FIG4: variants seen among roughly 807,000 people sequenced by gnomAD.
The protein encoded by FIG4 is polyphosphoinositide phosphatase.
FIG4 carries 112 observed loss-of-function variants against 118.6 expected under a neutral mutation model. The observed-to-expected ratio is 0.94, with a 90% CI of 0.81 to 1.11. The LOEUF is 1.11. FIG4 is among the 50% of genes least tolerant of loss of function. The pLI is 0.00. For synonymous variants in FIG4, 369 were observed against 381.2 expected (o/e 0.97, Z 0.37); for missense variants, 969 against 1,111.7 (o/e 0.87, Z 1.83).
intron 10 of FIG4, among the ~76,000 whole-genome samples, chr6:109,754,423 C>A (rs1376190741): frequency 6.6e-6 from 1 of 152,128 alleles, no homozygotes; most frequent in Non-Finnish European, 1.5e-5. Flanking sequence ...TGTCTCTGCC[C>A]AGCTTTGGTA....
At chr6:109,780,575 A>T (rs1777771376) in intron 16 of FIG4, among the ~76,000 whole-genome samples, 2 of 152,204 alleles carry the variant, frequency 1.3e-5, no homozygotes, top group Non-Finnish European at 1.5e-5. Context: ...ATCATACGGG[A>T]TGCCCATAAA....
intron 15 of FIG4, among the ~76,000 whole-genome samples, chr6:109,769,623 TAA>T (rs777015058): frequency 1.2e-4 from 17 of 139,962 alleles, no homozygotes; most frequent in African/African-American, 1.6e-4. Context: ...TAAACTAGAT[TAA>T]AAAAAAAAAA....
chr6:109,825,001 C>A (rs796563082), intron 22 of FIG4, 87 bp from the exon 23 acceptor site: 2 of 1,235,024 alleles, frequency 1.6e-6, no homozygotes, highest in Non-Finnish European at 1.2e-6. Context: ...TCAATGCCAG[C>A]GACTCTCAAG....
intron 16 of FIG4, among the ~76,000 whole-genome samples, chr6:109,779,168 A>T (rs763936807): frequency 6.6e-6 from 1 of 152,152 alleles, no homozygotes; most frequent in African/African-American, 2.4e-5. Context: ...ACCTATATTT[A>T]TATTTATTGA....
intron 7 of FIG4, among the ~76,000 whole-genome samples, chr6:109,740,195 G>C (rs568116056): frequency 6.6e-6 from 1 of 152,232 alleles, no homozygotes; most frequent in South Asian, 2.1e-4. Context: ...CTAAAAGATA[G>C]TTCTAAGCTG....
chr6:109,716,091 T>C (rs1194853722), intron 2 of FIG4, among the ~76,000 whole-genome samples: 2 of 152,194 alleles, frequency 1.3e-5, no homozygotes, highest in Non-Finnish European at 2.9e-5. Context: ...TAAGAAAATC[T>C]ATGGGCCTTC....
At chr6:109,696,696 A>G (rs78237253) in intron 1 of FIG4, among the ~76,000 whole-genome samples, 2,198 of 152,292 alleles carry the variant, frequency 0.014, 55 homozygotes, top group African/African-American at 0.051. Context: ...TGTTGAGCTT[A>G]TAGAAGCAGA....
intron 1 of FIG4, among the ~76,000 whole-genome samples, chr6:109,702,459 A>G (rs2128378550): frequency 6.6e-6 from 1 of 152,296 alleles, no homozygotes; most frequent in South Asian, 2.1e-4. Flanking sequence ...TATTATTTCA[A>G]TGTAGCTTTT....
chr6:109,751,312 T>A lies in FIG4; in HGVS notation c.1137+7540T>A, dbSNP rs571621436. On this transcript the variant is annotated intron_variant, in intron 10 of 22. Transcript: ENST00000230124. ...ACCATGCTCTGCTGCTGGATTCGGT[T>A]TGCCAGTATTTTATTGAGGATTTTC... 1.0e-3 allele frequency among the ~76,000 whole-genome samples: 159 copies of A among 152,350 alleles called. 1 individual carries two copies. The highest frequency in any genetic ancestry group is 3.7e-3 in the African/African-American group (153 of 41,588).
At chr6:109,796,394 C>T (rs1245394506) in intron 21 of FIG4, among the ~76,000 whole-genome samples, 1 of 152,206 alleles carries the variant, frequency 6.6e-6, no homozygotes, top group African/African-American at 2.4e-5. Flanking sequence ...ATGCTTCCTG[C>T]ATTCCACGCA....
intron 22 of FIG4, among the ~76,000 whole-genome samples, chr6:109,824,683 C>CA (rs773098976): frequency 2.6e-5 from 4 of 152,188 alleles, no homozygotes; most frequent in Non-Finnish European, 5.9e-5. Context: ...TCCCTTGCTT[C>CA]ACTGATTTCT....
chr6:109,821,223 G>T (rs1778996845), intron 22 of FIG4, among the ~76,000 whole-genome samples: 1 of 152,208 alleles, frequency 6.6e-6, no homozygotes, highest in Non-Finnish European at 1.5e-5. Context: ...CATTGAGGAA[G>T]GGGAGCAGAG....
chr6:109,744,611 G>A (rs1776425955), intron 10 of FIG4, among the ~76,000 whole-genome samples: 2 of 151,912 alleles, frequency 1.3e-5, no homozygotes, highest in African/African-American at 4.8e-5. Flanking sequence ...GTGACCCTGT[G>A]TGTCCATTTA....
At chr6:109,795,715 C>T (rs1778267663) in intron 21 of FIG4, among the ~76,000 whole-genome samples, 1 of 149,122 alleles carries the variant, frequency 6.7e-6, no homozygotes, top group Non-Finnish European at 1.5e-5. Flanking sequence ...AATTCTCCTG[C>T]CTCAGCCTCC....
intron 3 of FIG4, among the ~76,000 whole-genome samples, chr6:109,722,427 A>G (rs1775639412): frequency 6.6e-6 from 1 of 152,074 alleles, no homozygotes; most frequent in Admixed American, 6.5e-5. Context: ...GAATAACAAG[A>G]CATAGATCAT....
intron 22 of FIG4, among the ~76,000 whole-genome samples, chr6:109,816,627 C>T (rs572029568): frequency 6.6e-6 from 1 of 152,192 alleles, no homozygotes; most frequent in African/African-American, 2.4e-5. Flanking sequence ...GATACCCAGT[C>T]CTTGTTGCCT....
intron 16 of FIG4, among the ~76,000 whole-genome samples, chr6:109,778,387 T>C (rs1777683245): frequency 6.6e-6 from 1 of 151,274 alleles, no homozygotes. Flanking sequence ...GGAGAACCGC[T>C]TGAGCCCAGG....
At chr6:109,736,925 T>C (rs368451542) in intron 6 of FIG4, among the ~76,000 whole-genome samples, 5 of 152,140 alleles carry the variant, frequency 3.3e-5, no homozygotes, top group East Asian at 1.9e-4. Flanking sequence ...ATCCCCTGGC[T>C]TATGGCTCCC....
chr6:109,704,675 C>CAAAA (rs36013882), intron 1 of FIG4, among the ~76,000 whole-genome samples: 35 of 67,780 alleles, frequency 5.2e-4, no homozygotes, highest in East Asian at 8.8e-4. Context: ...GACTCCATCT[C>CAAAA]AAAAAAAAAA....
Sources: gnomAD v4.1 joint callset for allele counts (sites outside exome capture counted in the v4.1 genomes callset) on GRCh38, gnomAD v4.1.1 for gene constraint, MANE v1.5 for transcripts, NCBI Gene and HGNC (gene_info 2026-07-23, HGNC 2026-07-21) for gene names.